KCNT2: variants seen among roughly 807,000 people sequenced by gnomAD.
The protein encoded by KCNT2 is potassium channel subfamily T member 2.
Under a neutral mutation model 153.8 loss-of-function variants are expected in KCNT2, and 67 were observed. The ratio of observed to expected loss-of-function variants is 0.44; its 90% confidence interval spans 0.36 to 0.53. KCNT2 has a LOEUF of 0.53. Among genes scored for constraint, KCNT2 ranks in the 20% least tolerant of loss-of-function variants. The pLI is 0.00. For missense variants in KCNT2, 975 were observed against 1,354.8 expected (o/e 0.72, Z 4.40); for synonymous variants, 500 against 458.8 (o/e 1.09, Z -1.15).
At chr1:196,331,007 C>T (rs1664404190) in intron 18 of KCNT2, 149 bp downstream of exon 18, 3 of 557,034 alleles carry the variant, frequency 5.4e-6, no homozygotes, top group Non-Finnish European at 9.8e-6. Flanking sequence ...GTAAAACTGA[C>T]CACTTTATAT....
chr1:196,300,860 T>G (rs917818292), intron 22 of KCNT2, among the ~76,000 whole-genome samples: 27 of 152,068 alleles, frequency 1.8e-4, no homozygotes, highest in African/African-American at 5.6e-4. Context: ...GCTCAGAAAC[T>G]AATACCCCAA....
At chr1:196,299,226 G>T (rs1324312783) in intron 22 of KCNT2, among the ~76,000 whole-genome samples, 2 of 151,328 alleles carry the variant, frequency 1.3e-5, no homozygotes, top group African/African-American at 4.9e-5. Flanking sequence ...TCTCTATTTA[G>T]CTCTTCTACT....
At chr1:196,453,504 C>G (rs778779458) in intron 8 of KCNT2, among the ~76,000 whole-genome samples, 2 of 151,882 alleles carry the variant, frequency 1.3e-5, no homozygotes, top group African/African-American at 2.4e-5. Context: ...ATGTTGCCAC[C>G]AGTTCCCCCT....
At chr1:196,439,947 T>G (rs988846047) in intron 8 of KCNT2, among the ~76,000 whole-genome samples, 4 of 151,856 alleles carry the variant, frequency 2.6e-5, no homozygotes, top group African/African-American at 7.3e-5. Flanking sequence ...CATACGGGGC[T>G]TAAAACCTAG....
At chr1:196,439,734 C>T (rs957376534) in intron 8 of KCNT2, among the ~76,000 whole-genome samples, 2 of 151,898 alleles carry the variant, frequency 1.3e-5, no homozygotes, top group African/African-American at 2.4e-5. Flanking sequence ...CTGTAGCAAG[C>T]CATTTCTTAC....
intron 1 of KCNT2, among the ~76,000 whole-genome samples, chr1:196,505,402 G>C (rs1237952590): frequency 6.6e-6 from 1 of 152,000 alleles, no homozygotes; most frequent in East Asian, 1.9e-4. Flanking sequence ...GTAGATATGA[G>C]GCATTATTTC....
At chr1:196,335,228 A>T (rs1274402568) in intron 16 of KCNT2, among the ~76,000 whole-genome samples, 1 of 152,132 alleles carries the variant, frequency 6.6e-6, no homozygotes. Context: ...AAACAATTAC[A>T]GTCATGCATT....
At chr1:196,571,608 A>G (rs1465603476) in intron 1 of KCNT2, among the ~76,000 whole-genome samples, 1 of 152,152 alleles carries the variant, frequency 6.6e-6, no homozygotes, top group Non-Finnish European at 1.5e-5. Flanking sequence ...ACACTTGTCT[A>G]TAAACAAGGT....
intron 1 of KCNT2, among the ~76,000 whole-genome samples, chr1:196,582,872 T>C (rs562380473): frequency 6.6e-6 from 1 of 152,122 alleles, no homozygotes; most frequent in East Asian, 1.9e-4. Context: ...ACAGATTGCA[T>C]AGGATTATAA....
chr1:196,341,268 T>C (rs1274962963), intron 15 of KCNT2, among the ~76,000 whole-genome samples: 6 of 152,030 alleles, frequency 3.9e-5, no homozygotes, highest in African/African-American at 1.4e-4. Flanking sequence ...GGCAAAATCA[T>C]CTAATACCAA....
At chr1:196,409,245 C>T (rs1391974223) in intron 12 of KCNT2, among the ~76,000 whole-genome samples, 1 of 151,244 alleles carries the variant, frequency 6.6e-6, no homozygotes, top group Admixed American at 6.6e-5. Context: ...TTTATCCCAT[C>T]TATTCTTTGT....
At chr1:196,485,395 C>T (rs1679340594) in intron 3 of KCNT2, among the ~76,000 whole-genome samples, 1 of 151,934 alleles carries the variant, frequency 6.6e-6, no homozygotes, top group Non-Finnish European at 1.5e-5. Context: ...GAAATTAATA[C>T]TTTCCTAAAG....
intron 12 of KCNT2, among the ~76,000 whole-genome samples, chr1:196,407,115 A>G (rs367553200): frequency 2.0e-5 from 3 of 151,466 alleles, no homozygotes; most frequent in South Asian, 4.2e-4. Context: ...ACTTACTTAA[A>G]TCCTCTCCCA....
At chr1:196,509,841 A>T (rs1681469155) in intron 1 of KCNT2, among the ~76,000 whole-genome samples, 1 of 152,038 alleles carries the variant, frequency 6.6e-6, no homozygotes, top group South Asian at 2.1e-4. Flanking sequence ...CTAAATCTGA[A>T]CTTCTGGAGA....
chr1:196,502,903 G>T (rs1013504800), intron 1 of KCNT2, among the ~76,000 whole-genome samples: 8 of 151,938 alleles, frequency 5.3e-5, no homozygotes, highest in East Asian at 1.9e-4. Flanking sequence ...AATTATAAAG[G>T]TATATTTTGT....
intron 1 of KCNT2, among the ~76,000 whole-genome samples, chr1:196,530,829 T>A (rs919943295): frequency 6.6e-6 from 1 of 152,146 alleles, no homozygotes; most frequent in Admixed American, 6.6e-5. Context: ...TTTTGAATGC[T>A]ATATATGAAG....
At chr1:196,250,039 G>T (rs566084832) in intron 26 of KCNT2, among the ~76,000 whole-genome samples, 1 of 151,946 alleles carries the variant, frequency 6.6e-6, no homozygotes, top group South Asian at 2.1e-4. Context: ...ACAATCTACA[G>T]ATTCAATGTA....
intron 8 of KCNT2, among the ~76,000 whole-genome samples, chr1:196,447,806 GAC>G (rs35845393): frequency 0.25 from 36,955 of 150,332 alleles, 5,438 homozygotes; most frequent in East Asian, 0.33. Context: ...CGTTTTTTTG[GAC>G]TGCTGCAGTT....
intron 13 of KCNT2, among the ~76,000 whole-genome samples, chr1:196,380,626 T>C (rs530988605): frequency 1.3e-5 from 2 of 152,288 alleles, no homozygotes; most frequent in African/African-American, 4.8e-5. Flanking sequence ...GGCTTTTAAA[T>C]AGAAAAACGA....
Sources: allele counts gnomAD v4.1 joint callset (sites outside exome capture counted in the v4.1 genomes callset), GRCh38; gene constraint gnomAD v4.1.1; transcripts MANE v1.5; gene names NCBI Gene and HGNC (gene_info 2026-07-23, HGNC 2026-07-21).